TBC1D8: variants seen among roughly 807,000 people sequenced by gnomAD.
The protein encoded by TBC1D8 is TBC1 domain family member 8.
TBC1D8 carries 65 observed loss-of-function variants against 118.8 expected under a neutral mutation model. That is an observed-to-expected ratio of 0.55 (90% CI 0.45 to 0.67). The LOEUF is 0.67. TBC1D8 is among the 30% of genes least tolerant of loss of function. The pLI, the probability that TBC1D8 is intolerant of heterozygous loss-of-function variation, is 0.00. For missense variants in TBC1D8, 1,376 were observed against 1,471.2 expected, an observed-to-expected ratio of 0.94 and a Z score of 1.06; for synonymous variants, 566 against 595.8, an observed-to-expected ratio of 0.95 and a Z score of 0.73.
intron 19 of TBC1D8, among the ~76,000 whole-genome samples, chr2:101,009,197 TCCTGGCTAACA>T (rs373432354): frequency 0.1 from 15,718 of 151,934 alleles, 939 homozygotes; most frequent in Non-Finnish European, 0.14. Flanking sequence ...ATTGAGACCA[TCCTGGCTAACA>T]CCTGGCTAAC....
In TBC1D8 at chr2:101,009,528, ACAT is replaced by A. The variant is rs370171391; in HGVS notation, c.3016-1258_3016-1256del. Among the ~76,000 whole-genome samples the A allele has an allele frequency of 6.6e-5, 10 of 152,210 alleles. 1 individual carries two copies. The highest frequency in any genetic ancestry group is 1.7e-4 in the African/African-American group (7 of 41,508). On this transcript the variant is annotated intron_variant, in intron 19 of 19. Transcript: ENST00000409318. ...ATGAACATGGCCCGTTTTGTTTGAA[ACAT>A]CATCTATAGAAAAAAAAAGGTTATG...
chr2:101,027,524 T>A (rs968297340), intron 14 of TBC1D8, 73 bp from the exon 15 acceptor site: 212 of 1,388,918 alleles, frequency 1.5e-4, no homozygotes, highest in Middle Eastern at 5.4e-4. Flanking sequence ...AAGAGGGGAC[T>A]CTTCCTCCTG....
chr2:101,121,837 A>G (rs540834392), intron 1 of TBC1D8, among the ~76,000 whole-genome samples: 188 of 152,260 alleles, frequency 1.2e-3, no homozygotes, highest in Non-Finnish European at 2.3e-3. Context: ...AGGCCAAGGC[A>G]GGCGGATCAC....
intron 2 of TBC1D8, among the ~76,000 whole-genome samples, chr2:101,062,386 A>G (rs1255761206): frequency 6.6e-6 from 1 of 152,150 alleles, no homozygotes; most frequent in Non-Finnish European, 1.5e-5. Flanking sequence ...GTTTTCATGG[A>G]CTCATTGATC....
Position 101,038,546 on chromosome 2 carries a change from C to G in TBC1D8, c.1190G>C (p.Ser397Thr). 1 of 1,613,936 alleles carries G rather than the reference C, an allele frequency of 6.2e-7. No individual in the cohort carries two copies. The highest frequency in any genetic ancestry group is 8.5e-7 in the Non-Finnish European group (1 of 1,179,896). ...CCTCGCAAGCAGCGCCTCCACCAGG[C>G]TGTCTCGGTCCCGGAGCTCAATGAA... Reference protein sequence around the residue: ...FQFIELRDRDSLVEALLARLK... With the variant: ...FQFIELRDRDTLVEALLARLK... The change falls in exon 7 of 20, where the codon AGC (serine) becomes ACC (threonine). Residue 397 changes from serine to threonine, a missense_variant. Ser to Thr is a moderately conservative substitution (Grantham distance 58). Coordinates refer to ENST00000409318, the MANE Select transcript of TBC1D8 (RefSeq NM_001330348.2).
In TBC1D8 at chr2:101,127,310, C is replaced by T. The variant is rs376753592; in HGVS notation, c.127+23817G>A. On this transcript the variant is annotated intron_variant, in intron 1 of 19. Coordinates refer to ENST00000409318, the MANE Select transcript of TBC1D8 (RefSeq NM_001330348.2). ...AAGATCCCACCACTGCACTCCAGCC[C>T]GGGCAACAGTGCAAGACTTCATCTC... 1.7e-4 allele frequency among the ~76,000 whole-genome samples: 26 copies of T among 150,580 alleles called. No individual in the cohort carries two copies. The East Asian group carries it at 4.3e-3, about 25-fold the overall frequency.
chr2:101,145,211 T>C (rs1482419630), intron 1 of TBC1D8, among the ~76,000 whole-genome samples: 4 of 152,232 alleles, frequency 2.6e-5, no homozygotes, highest in Non-Finnish European at 5.9e-5. Flanking sequence ...TACAAATACA[T>C]TGCCCTTATT....
chr2:101,050,540 C>T lies in TBC1D8; in HGVS notation c.733G>A (p.Asp245Asn). Residue 245 changes from aspartate (D) to asparagine (N), a missense_variant, in exon 5 of 20, where the codon GAC (aspartate) becomes AAC (asparagine). Physicochemically the swap from Asp to Asn is conservative, Grantham distance 23. Coordinates refer to ENST00000409318, the MANE Select transcript of TBC1D8 (RefSeq NM_001330348.2). Reference protein sequence around the residue: ...IRITTQNKERDFSMFLNLDEV... With the variant: ...IRITTQNKERNFSMFLNLDEV... ...TCCAGGTTCAGGAACATGGAGAAGT[C>T]ACGCTCCTTATTCTGCGTGGTGATT... The T allele has an allele frequency of 1.9e-6, 3 of 1,614,000 alleles. No individual in the cohort carries two copies. The highest frequency in any genetic ancestry group is 1.7e-6 in the Non-Finnish European group (2 of 1,179,888).
intron 6 of TBC1D8, 68 bp from the exon 7 acceptor site, chr2:101,038,723 A>G (rs1331439168): frequency 6.4e-7 from 1 of 1,553,348 alleles, no homozygotes; most frequent in African/African-American, 1.4e-5. Context: ...ACATATGCAG[A>G]AGATGTCCCG....
intron 1 of TBC1D8, among the ~76,000 whole-genome samples, chr2:101,120,232 T>C (rs1336241777): frequency 6.6e-6 from 1 of 152,192 alleles, no homozygotes; most frequent in African/African-American, 2.4e-5. Flanking sequence ...TCCTTCTGCC[T>C]CTTTGGCCGC....
At chr2:101,015,073 T>C (rs1238695975) in intron 17 of TBC1D8, among the ~76,000 whole-genome samples, 2 of 152,206 alleles carry the variant, frequency 1.3e-5, no homozygotes, top group African/African-American at 4.8e-5. Flanking sequence ...TACACGAACC[T>C]AGATGCTGTA....
intron 14 of TBC1D8, 69 bp downstream of exon 14, chr2:101,027,979 A>G (rs1249343053): frequency 2.1e-6 from 3 of 1,428,978 alleles, no homozygotes; most frequent in Admixed American, 1.8e-5. Context: ...CTTATGACCA[A>G]AAAGGATGCG....
Position 101,022,500 on chromosome 2 carries a change from A to G in TBC1D8, c.2542T>C (p.Tyr848His). Residue 848 changes from tyrosine to histidine, a missense_variant, in exon 16 of 20, where the codon TAC becomes CAC. By Grantham distance (83) the Tyr-to-His change is moderately conservative (BLOSUM62 2). Transcript: ENST00000409318. ...LFKREHMMSCYWEQPRPMASR... is the reference protein window; with the variant it reads ...LFKREHMMSCHWEQPRPMASR... Reference sequence around the variant, plus strand: ...GCCATGGGCCTGGGCTGCTCCCAGTAACAGCTCATCATATGTTCTCTCTTC... The same window carrying G: ...GCCATGGGCCTGGGCTGCTCCCAGTGACAGCTCATCATATGTTCTCTCTTC... The G allele has an allele frequency of 6.3e-7, 1 of 1,597,694 alleles. No individual in the cohort carries two copies.
At position 101,053,486 on chromosome 2, in the gene TBC1D8, C is replaced by T. The variant is rs78673296; in HGVS notation, c.631+622G>A. On this transcript the variant is annotated intron_variant, in intron 4 of 19. Transcript: ENST00000409318. The stretch of plus-strand genomic sequence containing the variant: ...ACTCACATATGCAGCATCCATACTA[C>T]CCAACATGAGCACTTGAAACAATAT... 4.2e-3 allele frequency among the ~76,000 whole-genome samples: 635 copies of T among 152,328 alleles called. 2 individuals carry two copies. Among genetic ancestry groups the T allele is most frequent in the Non-Finnish European group, 7.2e-3 (489 of 68,030 alleles).
chr2:101,071,539 A>G (rs1313732061), intron 2 of TBC1D8, among the ~76,000 whole-genome samples: 1 of 152,204 alleles, frequency 6.6e-6, no homozygotes. Context: ...ATAACTTTCT[A>G]TAACACTAAC....
At chr2:101,100,353 A>G (rs1558701908) in intron 1 of TBC1D8, among the ~76,000 whole-genome samples, 7 of 152,206 alleles carry the variant, frequency 4.6e-5, no homozygotes, top group Admixed American at 3.9e-4. Flanking sequence ...CTGCTCAAGG[A>G]AACAAGAGAG....
chr2:101,120,278 C>T (rs980223235), intron 1 of TBC1D8, among the ~76,000 whole-genome samples: 2 of 152,214 alleles, frequency 1.3e-5, no homozygotes, highest in Non-Finnish European at 2.9e-5. Context: ...TGTGCCCGGC[C>T]TTCCCGGTGC....
chr2:101,062,769 A>G (rs970965865), intron 2 of TBC1D8, among the ~76,000 whole-genome samples: 2 of 152,052 alleles, frequency 1.3e-5, no homozygotes, highest in African/African-American at 4.8e-5. Flanking sequence ...AGCCTCCCAA[A>G]TAGCTGGGAC....
intron 4 of TBC1D8, among the ~76,000 whole-genome samples, chr2:101,053,007 A>C (rs1442864380): frequency 6.6e-6 from 1 of 152,232 alleles, no homozygotes; most frequent in Non-Finnish European, 1.5e-5. Flanking sequence ...CCTGCCCTGC[A>C]TTGAAGGAGC....
Sources: gnomAD v4.1 joint callset for allele counts (sites outside exome capture counted in the v4.1 genomes callset) on GRCh38, gnomAD v4.1.1 for gene constraint, MANE v1.5 for transcripts, NCBI Gene and HGNC (gene_info 2026-07-23, HGNC 2026-07-21) for gene names.